ADI1: variants seen among roughly 807,000 people sequenced by gnomAD.
ADI1 encodes the protein acireductone dioxygenase 1.
In ADI1, 21 loss-of-function variants were observed where a neutral mutation model predicts 18.7. The observed-to-expected ratio is 1.13, with a 90% CI of 0.80 to 1.62. The LOEUF (loss-of-function observed/expected upper bound fraction) is 1.62, where lower values mean the gene tolerates loss of function less well. Among genes scored for constraint, ADI1 ranks in the 40% most tolerant of loss-of-function variants. ADI1 has a pLI of 0.00. For missense variants in ADI1, 245 were observed against 254.9 expected (o/e 0.96, Z 0.26); for synonymous variants, 90 against 100.1 (o/e 0.90, Z 0.60).
At chr2:3,503,228 ACTCT>A (rs55652004) in intron 2 of ADI1, among the ~76,000 whole-genome samples, 20,795 of 91,520 alleles carry the variant, frequency 0.23, 3,273 homozygotes, top group African/African-American at 0.38. Context: ...CACACGTAAC[ACTCT>A]CTCATGTGCA....
rs1016922839 is a variant in ADI1 at position 3,498,683 on chromosome 2, G to T, written c.*280C>A. ...TCTAAGGAACTGCATTTCGGGAGAT[G>T]AAACTTTCATTTGGGACTCAACTGA... is the stretch of plus-strand genomic sequence containing the variant. On this transcript the variant is annotated 3_prime_UTR_variant, in exon 4 of 4. Transcript: ENST00000327435. 5 of 340,494 alleles carry T rather than the reference G, an allele frequency of 1.5e-5. No individual in the cohort carries two copies. Among genetic ancestry groups the T allele is most frequent in the African/African-American group, 6.3e-5 (3 of 47,486 alleles). The allele number at this position is 340,494 out of a possible 1,614,324, so 21.1% of individuals were successfully genotyped here.
chr2:3,501,754 CT>C (rs1667018292), intron 2 of ADI1, among the ~76,000 whole-genome samples: 1 of 152,166 alleles, frequency 6.6e-6, no homozygotes, highest in Non-Finnish European at 1.5e-5. Flanking sequence ...TCTCAAACTC[CT>C]GACCTCAGGT....
intron 2 of ADI1, among the ~76,000 whole-genome samples, chr2:3,508,945 A>G (rs897774686): frequency 7.2e-6 from 1 of 138,770 alleles, no homozygotes; most frequent in African/African-American, 2.6e-5. Flanking sequence ...AAGGGGAGAA[A>G]AGGAGAGGAG....
At chr2:3,501,678 C>A (rs1667015002) in intron 2 of ADI1, among the ~76,000 whole-genome samples, 1 of 151,982 alleles carries the variant, frequency 6.6e-6, no homozygotes, top group African/African-American at 2.4e-5. Context: ...CAGGTACCTA[C>A]CACTATACCC....
Position 3,498,800 on chromosome 2 carries a change from A to T in ADI1, c.*163T>A. The T allele has an allele frequency of 1.6e-6, 2 of 1,243,032 alleles. No homozygotes were observed. The highest frequency in any genetic ancestry group is 2.2e-6 in the Non-Finnish European group (2 of 912,950). 77.0% of individuals were successfully genotyped at this position (1,243,032 alleles called of 1,614,324 possible). ...TCTTTACACTTCCAAGTTGCTTTCT[A>T]GATCCTTTCATTACAAAATATTCTG... On this transcript the variant is annotated 3_prime_UTR_variant, in exon 4 of 4. Transcript: ENST00000327435.
intron 2 of ADI1, among the ~76,000 whole-genome samples, chr2:3,501,786 CCA>C (rs1207550673): frequency 1.3e-5 from 2 of 152,152 alleles, no homozygotes; most frequent in Non-Finnish European, 2.9e-5. Flanking sequence ...CCTCGGCCTC[CCA>C]CAGTGCTGGG....
At chr2:3,507,331 G>T (rs1049195010) in intron 2 of ADI1, among the ~76,000 whole-genome samples, 11 of 152,024 alleles carry the variant, frequency 7.2e-5, no homozygotes, top group African/African-American at 2.7e-4. Context: ...GAAACTGAGA[G>T]AACACCAAGC....
chr2:3,517,305 G>A (rs974092527), intron 1 of ADI1: 3 of 152,096 alleles, frequency 2.0e-5, no homozygotes, highest in Admixed American at 6.5e-5. Flanking sequence ...TTTCTTTGTT[G>A]CCGCCCTACA....
At chr2:3,514,123 C>T in intron 1 of ADI1, 147 bp from the exon 2 acceptor site, 1 of 980,790 alleles carries the variant, frequency 1.0e-6, no homozygotes. Flanking sequence ...TTCATCTCCT[C>T]TAGCCATTTA....
rs376751983 is a variant in ADI1, at chr2:3,501,012, T to C, written c.241-19A>G. The C allele has an allele frequency of 6.7e-5, 105 of 1,566,724 alleles. No homozygotes were observed. The highest frequency in any genetic ancestry group is 9.1e-5 in the Non-Finnish European group (105 of 1,154,864). The stretch of plus-strand genomic sequence containing the variant: ...TCTTAATCTAGTGCAGAAGGAACAT[T>C]CCTGTGAGTCTACCAGAGACCTGTC... On this transcript the variant is annotated intron_variant, in intron 2 of 3. Transcript: ENST00000327435.
Position 3,503,416 on chromosome 2 carries a change from TAC to T in ADI1, c.241-2425_241-2424del, listed in dbSNP as rs1320979481. ...ACGCACATTCACACACATGCACACGTACACACACGAGTGCATTCACACTCATG... is the reference window on the plus strand; with the variant it reads ...ACGCACATTCACACACATGCACACGTACACACGAGTGCATTCACACTCATG... On this transcript the variant is annotated intron_variant, in intron 2 of 3. Transcript: ENST00000327435. Among the ~76,000 whole-genome samples, 8 of 139,404 alleles carry T rather than the reference TAC, an allele frequency of 5.7e-5. 2 individuals are homozygous for T. The highest frequency in any genetic ancestry group is 1.2e-4 in the Non-Finnish European group (8 of 64,914). The allele number at this position is 139,404 out of a possible 152,430, so 91.5% of individuals were successfully genotyped here. A position where few individuals can be genotyped will look rare whatever the true frequency, so the allele number is the denominator to read the frequency against.
rs573203927 is a variant in ADI1, at chr2:3,518,750, C to T, written c.120+618G>A. 1.6e-4 allele frequency among the ~76,000 whole-genome samples: 24 copies of T among 152,358 alleles called. 1 individual carries two copies. The highest frequency in any genetic ancestry group is 6.2e-4 in the South Asian group (3 of 4,830). ...CCCCTTCCTCCGATAGAAGAAACCC[C>T]TGGGCCTTTGACCGAGGTTAGCCAG... On this transcript the variant is annotated intron_variant, in intron 1 of 3. Transcript: ENST00000327435.
intron 2 of ADI1, among the ~76,000 whole-genome samples, chr2:3,508,334 C>CCAA (rs1238564378): frequency 3.7e-5 from 1 of 26,922 alleles, no homozygotes; most frequent in African/African-American, 8.2e-5. Flanking sequence ...GACTCTGTCT[C>CCAA]AAAAAAAAAA....
chr2:3,516,817 C>A, intron 1 of ADI1: 7 of 985,354 alleles, frequency 7.1e-6, no homozygotes, highest in Non-Finnish European at 6.0e-6. Context: ...ATTGATTAAA[C>A]AGATACACAA....
chr2:3,513,040 G>A (rs970404064), intron 2 of ADI1, among the ~76,000 whole-genome samples: 1 of 152,224 alleles, frequency 6.6e-6, no homozygotes, highest in African/African-American at 2.4e-5. Context: ...TTTAGTGGCT[G>A]CCCTGCTGAG....
At chr2:3,516,629 A>G in intron 1 of ADI1, 2 of 733,594 alleles carry the variant, frequency 2.7e-6, no homozygotes, top group Non-Finnish European at 3.3e-6. Context: ...TGGACTTCTT[A>G]GCCTCTAGAA....
intron 2 of ADI1, among the ~76,000 whole-genome samples, chr2:3,504,861 GTA>G (rs1667139199): frequency 6.6e-6 from 1 of 151,622 alleles, no homozygotes; most frequent in Non-Finnish European, 1.5e-5. Context: ...GTTCACCTGC[GTA>G]TGTTTGTATT....
intron 2 of ADI1, among the ~76,000 whole-genome samples, chr2:3,509,375 T>C (rs1196448073): frequency 6.6e-6 from 1 of 152,190 alleles, no homozygotes; most frequent in African/African-American, 2.4e-5. Flanking sequence ...GGAATACCCA[T>C]TCTTCTCAAG....
chr2:3,503,932 G>T (rs895034686), intron 2 of ADI1, among the ~76,000 whole-genome samples: 20 of 152,182 alleles, frequency 1.3e-4, no homozygotes, highest in African/African-American at 4.8e-4. Flanking sequence ...CCTCCTGACA[G>T]TGAAAACCAA....
Sources: allele counts gnomAD v4.1 joint callset (sites outside exome capture counted in the v4.1 genomes callset), GRCh38; gene constraint gnomAD v4.1.1; transcripts MANE v1.5; gene names NCBI Gene and HGNC (gene_info 2026-07-23, HGNC 2026-07-21).